FAM186A: variants seen among roughly 807,000 people sequenced by gnomAD.
The protein encoded by FAM186A is protein FAM186A.
FAM186A carries 163 observed loss-of-function variants against 216.8 expected under a neutral mutation model. That is an observed-to-expected ratio of 0.75 (90% confidence interval 0.66 to 0.86). The LOEUF is 0.86. Ranked by LOEUF, FAM186A falls within the 40% of genes least tolerant of loss-of-function variation. The pLI, the probability that FAM186A is intolerant of heterozygous loss-of-function variation, is 0.00. For synonymous variants in FAM186A, 805 were observed against 1,025.3 expected (o/e 0.79, Z 4.10); for missense variants, 2,184 against 2,746.2 (o/e 0.80, Z 4.58).
At chr12:50,394,336 A>C (rs1434619463) in intron 1 of FAM186A, among the ~76,000 whole-genome samples, 1 of 151,990 alleles carries the variant, frequency 6.6e-6, no homozygotes, top group Non-Finnish European at 1.5e-5. Flanking sequence ...GTGGGTCACA[A>C]GGTCAGGAGA....
intron 7 of FAM186A, among the ~76,000 whole-genome samples, chr12:50,329,439 G>T (rs913414372): frequency 6.6e-6 from 1 of 151,994 alleles, no homozygotes; most frequent in Non-Finnish European, 1.5e-5. Context: ...GTTACATTTG[G>T]TTTAATAACT....
intron 1 of FAM186A, among the ~76,000 whole-genome samples, chr12:50,389,329 C>T (rs531379690): frequency 5.3e-5 from 8 of 152,002 alleles, no homozygotes; most frequent in South Asian, 4.2e-4. Context: ...GGAGAAACCC[C>T]GTCTCTACTA....
rs578239439 is a variant in FAM186A, at chr12:50,371,396, C to G, written c.193-8032G>C. ...CCTCCCAAAGTGTTAGGATTACAGG[C>G]GTGAGCCACCGTGCCCGGCCAACTT... On this transcript the variant is annotated intron_variant, in intron 1 of 7. Transcript: ENST00000327337. 2.0e-5 allele frequency among the ~76,000 whole-genome samples: 3 copies of G among 152,000 alleles called. No individual in the cohort carries two copies. The East Asian group carries it at 5.8e-4, about 29-fold the overall frequency.
At chr12:50,389,317 A>G (rs560967891) in intron 1 of FAM186A, among the ~76,000 whole-genome samples, 1 of 152,230 alleles carries the variant, frequency 6.6e-6, no homozygotes, top group Admixed American at 6.6e-5. Flanking sequence ...CCTGACCAAC[A>G]TGGAGAAACC....
intron 1 of FAM186A, among the ~76,000 whole-genome samples, chr12:50,386,172 T>C (rs937736351): frequency 1.3e-5 from 2 of 152,162 alleles, no homozygotes; most frequent in Non-Finnish European, 2.9e-5. Context: ...CTTACGCCTG[T>C]AATCCCAGCA....
At position 50,351,360 on chromosome 12, in the gene FAM186A, C is replaced by G. The variant is rs1202455501; in HGVS notation, c.5472G>C (p.Gln1824His). 3.4e-6 allele frequency: 5 copies of G among 1,482,166 alleles called. No homozygotes were observed. Among genetic ancestry groups the G allele is most frequent in the Non-Finnish European group, 4.5e-6 (5 of 1,118,368 alleles). 91.8% of individuals were successfully genotyped at this position (1,482,166 alleles called of 1,614,324 possible). A position where few individuals can be genotyped will look rare whatever the true frequency, so the allele number is the denominator to read the frequency against. Residue 1824 changes from glutamine (Q) to histidine (H), a missense_variant, in exon 4 of 8, where the codon CAG (glutamine) becomes CAC (histidine). Physicochemically the swap from Gln to His is conservative, Grantham distance 24 (BLOSUM62 0). Coordinates refer to ENST00000327337, the MANE Select transcript of FAM186A (RefSeq NM_001145475.3). The stretch of plus-strand genomic sequence containing the variant: ...TGGGAGGGGCCCGAGATATTGGGAG[C>G]TGCCCAGGGGAGGGAGGGGCCTGTG... The part of the protein sequence containing the change: ...PAPQAPPSPG[Q>H]LPISRAPPTP...
chr12:50,394,760 T>TTTTTTTTTTTTTTTTG (rs1555220023), intron 1 of FAM186A, among the ~76,000 whole-genome samples: 2 of 112,836 alleles, frequency 1.8e-5, no homozygotes, highest in South Asian at 2.9e-4. Flanking sequence ...TTTTTTTTTT[T>TTTTTTTTTTTTTTTTG]AGAGATAGAG....
rs552472248 is a variant in FAM186A, at chr12:50,338,994, C to A, written c.6504-4891G>T. Among the ~76,000 whole-genome samples the A allele has an allele frequency of 5.3e-5, 8 of 152,118 alleles. No homozygotes were observed. In the East Asian group the frequency reaches 1.2e-3, roughly 22 times the overall value. ...AAATTTATATTTCCTTTAGTCTATC[C>A]ATTTTTACTGTTTCAAGACTGTAGT... On this transcript the variant is annotated intron_variant, in intron 4 of 7. Coordinates refer to ENST00000327337, the MANE Select transcript of FAM186A (RefSeq NM_001145475.3).
chr12:50,345,063 C>G (rs572772118), intron 4 of FAM186A, among the ~76,000 whole-genome samples: 1 of 152,174 alleles, frequency 6.6e-6, no homozygotes, highest in African/African-American at 2.4e-5. Flanking sequence ...ACCAGCCTGA[C>G]CAATATGATG....
chr12:50,346,236 A>AGAAAGAAAG (rs1251509974), intron 4 of FAM186A, among the ~76,000 whole-genome samples: 7 of 125,192 alleles, frequency 5.6e-5, no homozygotes, highest in Non-Finnish European at 8.3e-5. Context: ...AAAGAAAGAA[A>AGAAAGAAAG]AAAAGAAAGA....
At position 50,355,370 on chromosome 12, in the gene FAM186A, C is replaced by T; in HGVS notation, c.1462G>A (p.Ala488Thr). Residue 488 changes from alanine to threonine, a missense_variant, in exon 4 of 8, where the codon GCC becomes ACC. Around this residue, in one of 7 missense-constraint regions of FAM186A, gnomAD observed 1,132 missense variants for 1,263.4 expected, o/e 0.90. Coordinates refer to ENST00000327337, the MANE Select transcript of FAM186A (RefSeq NM_001145475.3). ...AGCTCATAGTATTGACTAGGTTTGG[C>T]CTCTGAGACTTTCTGTCCACTTTTA... Reference protein sequence around the residue: ...DNKSGQKVSEAKPSQYYELQV... With the variant: ...DNKSGQKVSETKPSQYYELQV... 1.3e-6 allele frequency: 2 copies of T among 1,551,308 alleles called. No individual in the cohort carries two copies. Among genetic ancestry groups the T allele is most frequent in the African/African-American group, 2.7e-5 (2 of 73,134 alleles).
At chr12:50,366,709 T>C (rs370279240) in intron 1 of FAM186A, among the ~76,000 whole-genome samples, 3 of 141,172 alleles carry the variant, frequency 2.1e-5, no homozygotes, top group Non-Finnish European at 4.5e-5. Flanking sequence ...CTTTCATTAT[T>C]AAAAAAAAAA....
chr12:50,382,305 C>T (rs1051321603), intron 1 of FAM186A, among the ~76,000 whole-genome samples: 2 of 149,896 alleles, frequency 1.3e-5, no homozygotes, highest in East Asian at 2.0e-4. Flanking sequence ...TACGAGTAGG[C>T]TGGTCAACTT....
intron 1 of FAM186A, among the ~76,000 whole-genome samples, chr12:50,393,600 A>T (rs1943385028): frequency 6.6e-6 from 1 of 150,798 alleles, no homozygotes; most frequent in Non-Finnish European, 1.5e-5. Context: ...TAATCTTAGC[A>T]CTCTGGGAGG....
chr12:50,360,389 C>CT (rs1943021138), intron 3 of FAM186A, among the ~76,000 whole-genome samples: 1 of 139,298 alleles, frequency 7.2e-6, no homozygotes, highest in African/African-American at 2.7e-5. Context: ...CTCAATAAAG[C>CT]TGTTTTTTTT....
chr12:50,333,761 G>T, intron 5 of FAM186A, 150 bp downstream of exon 5: 1 of 772,962 alleles, frequency 1.3e-6, no homozygotes, highest in Non-Finnish European at 2.0e-6. Context: ...GTAAATTTCT[G>T]TTGTTTTAAG....
chr12:50,354,474 TG>T lies in FAM186A; in HGVS notation c.2357del (p.Pro786GlnfsTer2). On this transcript the variant is annotated frameshift_variant, in exon 4 of 8. Transcript: ENST00000327337. LOFTEE classifies it high-confidence loss of function. Reference protein sequence around the residue: ...STLLSYESTDPVINNLIQMIL... With the variant: ...STLLSYESTDXVINNLIQMIL... ...TCATTTGTATTAAATTGTTAATTAC[TG>T]GATCTGTGCTCTCATATGAGAGGAG... 1 of 1,551,670 alleles carries T rather than the reference TG, an allele frequency of 6.4e-7. No homozygotes were observed. Among genetic ancestry groups the T allele is most frequent in the Non-Finnish European group, 8.7e-7 (1 of 1,147,006 alleles).
Position 50,396,286 on chromosome 12 carries a change from T to C in FAM186A, c.192+7A>G. The C allele has an allele frequency of 6.6e-7, 1 of 1,513,010 alleles. No homozygotes were observed. The highest frequency in any genetic ancestry group is 8.9e-7 in the Non-Finnish European group (1 of 1,128,772). 93.7% of individuals were successfully genotyped at this position (1,513,010 alleles called of 1,614,324 possible). A position where few individuals can be genotyped will look rare whatever the true frequency, so the allele number is the denominator to read the frequency against. On this transcript the variant is annotated splice_region_variant and intron_variant, in intron 1 of 7. Coordinates refer to ENST00000327337, the MANE Select transcript of FAM186A (RefSeq NM_001145475.3). ...TGCAGTCTGTAAACTTCAGATTCACTACCTACCTCTCTGGCTCGATGGAGC... is the reference window on the plus strand; with the variant it reads ...TGCAGTCTGTAAACTTCAGATTCACCACCTACCTCTCTGGCTCGATGGAGC...
chr12:50,358,335 C>T (rs1161992492), intron 3 of FAM186A, among the ~76,000 whole-genome samples: 3 of 152,008 alleles, frequency 2.0e-5, no homozygotes, highest in Admixed American at 6.6e-5. Context: ...AATCCCAGAA[C>T]TTTGGGAGGC....
Sources: allele counts gnomAD v4.1 joint callset (sites outside exome capture counted in the v4.1 genomes callset), GRCh38; gene constraint gnomAD v4.1.1; regional missense constraint gnomAD v4.1.1; transcripts MANE v1.5; gene names NCBI Gene and HGNC (gene_info 2026-07-23, HGNC 2026-07-21).